C2orf92: variants seen among roughly 807,000 people sequenced by gnomAD.
C2orf92 encodes uncharacterized protein C2orf92.
At chr2:97,666,389 T>C (rs1467218554), upstream of C2orf92, among the ~76,000 whole-genome samples, 1 of 151,528 alleles carries the variant, frequency 6.6e-6, no homozygotes, top group East Asian at 1.9e-4. Flanking sequence ...TACAAAAAAG[T>C]AGCTGGGCGT....
intron 5 of C2orf92, chr2:97,694,415 A>ATTTTTTTT (rs60768687): frequency 7.7e-6 from 1 of 129,940 alleles, no homozygotes; most frequent in African/African-American, 2.9e-5. Context: ...CGCCCGGCTA[A>ATTTTTTTT]TTTTTTTTTT....
At chr2:97,683,163 T>C (rs1035175653) in intron 3 of C2orf92, among the ~76,000 whole-genome samples, 7 of 150,556 alleles carry the variant, frequency 4.6e-5, no homozygotes, top group Non-Finnish European at 5.9e-5. Flanking sequence ...GGGGTACAAA[T>C]TGAACACACA....
intron 1 of C2orf92, among the ~76,000 whole-genome samples, chr2:97,673,508 T>C (rs1675480629): frequency 6.6e-6 from 1 of 152,136 alleles, no homozygotes; most frequent in Admixed American, 6.6e-5. Context: ...TGAAGGAAGT[T>C]GACAGAGACA....
At chr2:97,677,376 T>C (rs953517975) in intron 3 of C2orf92, 4 of 152,228 alleles carry the variant, frequency 2.6e-5, no homozygotes, top group African/African-American at 9.6e-5. Flanking sequence ...GTTGAGGGGA[T>C]TTAAGGAAAT....
chr2:97,699,969 C>T (rs944140389), intron 6 of C2orf92, among the ~76,000 whole-genome samples: 7 of 152,262 alleles, frequency 4.6e-5, no homozygotes, highest in Non-Finnish European at 1.0e-4. Context: ...GACCCTTGCT[C>T]AGCACTCTGC....
At chr2:97,685,970 A>C (rs960536110) in intron 3 of C2orf92, among the ~76,000 whole-genome samples, 1 of 152,220 alleles carries the variant, frequency 6.6e-6, no homozygotes, top group Non-Finnish European at 1.5e-5. Context: ...CAGCTGCTAC[A>C]TGTCCATTTT....
intron 3 of C2orf92, among the ~76,000 whole-genome samples, chr2:97,676,508 C>T: frequency 6.7e-6 from 1 of 149,854 alleles, no homozygotes; most frequent in African/African-American, 2.5e-5. Context: ...CCTATGATCC[C>T]AGTGCTTTGG....
At chr2:97,687,493 T>C (rs1409968685) in intron 3 of C2orf92, among the ~76,000 whole-genome samples, 1 of 151,880 alleles carries the variant, frequency 6.6e-6, no homozygotes, top group Non-Finnish European at 1.5e-5. Flanking sequence ...GAGAAAAGGG[T>C]TCTGAACCAC....
At chr2:97,678,480 G>C (rs1404793789) in intron 3 of C2orf92, among the ~76,000 whole-genome samples, 1 of 151,934 alleles carries the variant, frequency 6.6e-6, no homozygotes, top group African/African-American at 2.4e-5. Context: ...ACTCCAAGCA[G>C]AATACTCAGA....
At chr2:97,692,030 T>C (rs1676158100) in intron 5 of C2orf92, among the ~76,000 whole-genome samples, 1 of 152,242 alleles carries the variant, frequency 6.6e-6, no homozygotes, top group East Asian at 1.9e-4. Context: ...AACTTTAACA[T>C]CAACTTGTCT....
At chr2:97,690,683 T>C (rs1401479996) in intron 5 of C2orf92, among the ~76,000 whole-genome samples, 1 of 145,124 alleles carries the variant, frequency 6.9e-6, no homozygotes, top group East Asian at 2.2e-4. Flanking sequence ...GCCTGGCCCC[T>C]CCTTTTCCTT....
At chr2:97,686,976 C>T (rs1167241691) in intron 3 of C2orf92, among the ~76,000 whole-genome samples, 1 of 151,708 alleles carries the variant, frequency 6.6e-6, no homozygotes, top group Admixed American at 6.6e-5. Flanking sequence ...TGAGACTGCA[C>T]CACTGCACTC....
rs1676541754 is a variant in C2orf92 at position 97,702,846 on chromosome 2, G to A, written c.*45G>A. 3 of 398,822 alleles carry A rather than the reference G, an allele frequency of 7.5e-6. No homozygotes were observed. The highest frequency in any genetic ancestry group is 1.3e-5 in the Non-Finnish European group (3 of 225,984). The allele number at this position is 398,822 out of a possible 1,614,324, so 24.7% of individuals were successfully genotyped here. On this transcript the variant is annotated 3_prime_UTR_variant, in exon 8 of 8. Transcript: ENST00000627399. ...AAACCAGGACTTGAAACCACAATGC[G>A]AGGACATTCTCCATCTGCGCACCAC... is the stretch of plus-strand genomic sequence containing the variant.
At chr2:97,678,289 A>G (rs1675648613) in intron 3 of C2orf92, among the ~76,000 whole-genome samples, 1 of 152,092 alleles carries the variant, frequency 6.6e-6, no homozygotes. Context: ...AAAAAAAAAA[A>G]AGAAAATGAA....
At chr2:97,683,115 A>ACACAC (rs1185190319) in intron 3 of C2orf92, among the ~76,000 whole-genome samples, 6 of 70,968 alleles carry the variant, frequency 8.5e-5, no homozygotes, top group Non-Finnish European at 1.3e-4. Context: ...CACACACACA[A>ACACAC]ACATATTAAA....
chr2:97,666,486 G>A (rs191445932), upstream of C2orf92, among the ~76,000 whole-genome samples: 458 of 140,176 alleles, frequency 3.3e-3, 12 homozygotes, highest in Admixed American at 0.027. Context: ...GCAGTGAGCC[G>A]AGATCGCGCC....
chr2:97,696,082 A>C (rs1676297751), intron 5 of C2orf92, among the ~76,000 whole-genome samples: 1 of 152,256 alleles, frequency 6.6e-6, no homozygotes, highest in African/African-American at 2.4e-5. Context: ...TCAGTGAGGC[A>C]TTCTTGTCCT....
intron 5 of C2orf92, 77 bp downstream of exon 5, chr2:97,690,404 G>A (rs1676090078): frequency 7.8e-6 from 3 of 386,500 alleles, no homozygotes; most frequent in East Asian, 3.6e-5. Context: ...TTTTTGAGAC[G>A]GAGTCTCACT....
At chr2:97,687,222 G>A (rs570326325) in intron 3 of C2orf92, among the ~76,000 whole-genome samples, 23 of 152,036 alleles carry the variant, frequency 1.5e-4, no homozygotes, top group East Asian at 3.9e-4. Context: ...AAAATTAGCC[G>A]GATGTGTGGT....
Sources: allele counts gnomAD v4.1 joint callset (sites outside exome capture counted in the v4.1 genomes callset), GRCh38; gene constraint gnomAD v4.1.1; transcripts MANE v1.5; gene names NCBI Gene and HGNC (gene_info 2026-07-23, HGNC 2026-07-21).